ASTN2: variants seen among roughly 807,000 people sequenced by gnomAD.
ASTN2 encodes astrotactin 2, also known as astrotactin-2.
Under a neutral mutation model 139.8 loss-of-function variants are expected in ASTN2, and 54 were observed. The ratio of observed to expected loss-of-function variants is 0.39; its 90% CI spans 0.31 to 0.48. The LOEUF is 0.48. ASTN2 is among the 20% of genes least tolerant of loss of function. ASTN2 has a pLI of 0.95. For missense variants in ASTN2, 1,565 were observed against 1,725.1 expected (o/e 0.91, Z 1.64); for synonymous variants, 756 against 719.5 (o/e 1.05, Z -0.81).
intron 11 of ASTN2, among the ~76,000 whole-genome samples, chr9:116,828,637 G>T (rs1427088060): frequency 6.6e-6 from 1 of 152,010 alleles, no homozygotes; most frequent in Non-Finnish European, 1.5e-5. Flanking sequence ...TTTCCTCTAA[G>T]AACTAGAACA....
intron 16 of ASTN2, among the ~76,000 whole-genome samples, chr9:116,683,970 A>T (rs370505034): frequency 1.3e-5 from 2 of 152,202 alleles, no homozygotes; most frequent in South Asian, 4.2e-4. Flanking sequence ...CTAACCTCAG[A>T]CCTTGTCTAT....
At position 116,993,771 on chromosome 9, in the gene ASTN2, G is replaced by GTA. The variant is rs528700669; in HGVS notation, c.1591+14319_1591+14320dup. ...CATATACTCTATATATGTATATACA[G>GTA]TATATATATAGCACTTTATATATGT... On this transcript the variant is annotated intron_variant, in intron 7 of 22. Coordinates refer to ENST00000313400, the MANE Select transcript of ASTN2 (RefSeq NM_001365068.1). 4.9e-5 allele frequency among the ~76,000 whole-genome samples: 7 copies of GTA among 142,708 alleles called. No homozygotes were observed. The East Asian group carries it at 1.4e-3, about 29-fold the overall frequency. The allele number at this position is 142,708 out of a possible 152,430, so 93.6% of individuals were successfully genotyped here.
chr9:117,393,768 C>A (rs1327717397), intron 1 of ASTN2, among the ~76,000 whole-genome samples: 1 of 152,050 alleles, frequency 6.6e-6, no homozygotes, highest in Non-Finnish European at 1.5e-5. Context: ...GTGGAATGGG[C>A]AGGCTCTGGG....
chr9:116,918,783 T>C (rs189806552), intron 10 of ASTN2, among the ~76,000 whole-genome samples: 7 of 152,342 alleles, frequency 4.6e-5, no homozygotes, highest in Non-Finnish European at 7.3e-5. Flanking sequence ...CAGAGTTGTA[T>C]AGACATATGA....
At chr9:117,358,408 G>A (rs1288153106) in intron 1 of ASTN2, among the ~76,000 whole-genome samples, 3 of 131,134 alleles carry the variant, frequency 2.3e-5, no homozygotes, top group Non-Finnish European at 5.2e-5. Context: ...TCCCCTGAAT[G>A]AGTGTAACAT....
chr9:116,593,736 A>G (rs995405174), intron 19 of ASTN2, among the ~76,000 whole-genome samples: 4 of 152,198 alleles, frequency 2.6e-5, no homozygotes, highest in Admixed American at 2.0e-4. Context: ...CATGAATTCC[A>G]GTCTTGCTCA....
At chr9:117,187,633 G>T (rs975513980) in intron 3 of ASTN2, among the ~76,000 whole-genome samples, 2 of 152,126 alleles carry the variant, frequency 1.3e-5, no homozygotes, top group African/African-American at 4.8e-5. Context: ...TGTCTGTCAC[G>T]AGTCTCCCTG....
At chr9:117,222,442 G>A (rs1832556392) in intron 2 of ASTN2, among the ~76,000 whole-genome samples, 1 of 152,044 alleles carries the variant, frequency 6.6e-6, no homozygotes, top group South Asian at 2.1e-4. Context: ...ACTTGTCAGA[G>A]TACGTGGAGC....
chr9:117,063,234 T>C (rs1022800334), intron 5 of ASTN2, among the ~76,000 whole-genome samples: 21 of 152,222 alleles, frequency 1.4e-4, no homozygotes, highest in Admixed American at 4.6e-4. Context: ...GGTACATTTC[T>C]TCAGGGTAAA....
At chr9:116,776,105 C>T (rs1830082933) in intron 13 of ASTN2, among the ~76,000 whole-genome samples, 1 of 152,152 alleles carries the variant, frequency 6.6e-6, no homozygotes, top group Non-Finnish European at 1.5e-5. Flanking sequence ...TGCATCTATA[C>T]ATGTATAATA....
chr9:116,562,720 G>A (rs1331417746), intron 19 of ASTN2, among the ~76,000 whole-genome samples: 1 of 126,630 alleles, frequency 7.9e-6, no homozygotes, highest in East Asian at 2.4e-4. Flanking sequence ...GACAGTGCGA[G>A]TGACTGCCTC....
chr9:117,098,975 G>C (rs542570879), intron 4 of ASTN2, among the ~76,000 whole-genome samples: 87 of 151,986 alleles, frequency 5.7e-4, no homozygotes, highest in African/African-American at 2.0e-3. Flanking sequence ...GGGTGTGGCA[G>C]CATGTACGTG....
chr9:116,739,642 C>T (rs374106271), intron 13 of ASTN2, among the ~76,000 whole-genome samples: 1 of 152,194 alleles, frequency 6.6e-6, no homozygotes, highest in Non-Finnish European at 1.5e-5. Context: ...AGGGCTTTAT[C>T]GTTTCTAACG....
rs557444835 is a variant in ASTN2, at chr9:116,591,992, G to A, written c.3355+26332C>T. On this transcript the variant is annotated intron_variant, in intron 19 of 22. Coordinates refer to ENST00000313400, the MANE Select transcript of ASTN2 (RefSeq NM_001365068.1). ...TGGCCCTCAGTATCTATGGGGAATTGGTTCCAGGTACCCCCTTGGATATCA... is the reference window on the plus strand; with the variant it reads ...TGGCCCTCAGTATCTATGGGGAATTAGTTCCAGGTACCCCCTTGGATATCA... 7.2e-5 allele frequency among the ~76,000 whole-genome samples: 11 copies of A among 152,266 alleles called. 1 individual carries two copies. Among genetic ancestry groups the A allele is most frequent in the Non-Finnish European group, 1.5e-4 (10 of 68,018 alleles).
intron 13 of ASTN2, among the ~76,000 whole-genome samples, chr9:116,737,610 CGTGTGTGTGTGTGTGTGTGTGTGT>C (rs57891581): frequency 2.2e-5 from 3 of 137,250 alleles, no homozygotes; most frequent in Non-Finnish European, 3.1e-5. Context: ...CATGTGCCAA[CGTGTGTGTGTGTGTGTGTGTGTGT>C]GTGTGTGTGT....
chr9:116,636,163 T>G (rs1857064467), intron 17 of ASTN2, among the ~76,000 whole-genome samples: 1 of 152,180 alleles, frequency 6.6e-6, no homozygotes, highest in South Asian at 2.1e-4. Flanking sequence ...ATACTGATAC[T>G]TCTCCTTCTG....
chr9:117,302,926 C>A (rs976583429), intron 1 of ASTN2, among the ~76,000 whole-genome samples: 4 of 152,128 alleles, frequency 2.6e-5, no homozygotes, highest in African/African-American at 9.7e-5. Context: ...TCCACTAGCC[C>A]CAAGCAACAT....
intron 10 of ASTN2, among the ~76,000 whole-genome samples, chr9:116,881,858 T>C (rs560500359): frequency 6.6e-6 from 1 of 152,218 alleles, no homozygotes; most frequent in Non-Finnish European, 1.5e-5. Flanking sequence ...TAAATAGTAG[T>C]AATTTCATTT....
At chr9:116,437,213 T>A (rs1326282617) in intron 22 of ASTN2, 2 of 401,986 alleles carry the variant, frequency 5.0e-6, no homozygotes, top group Non-Finnish European at 1.0e-5. Context: ...TAATAAAAAA[T>A]ACCACTGTTC....
Sources: gnomAD v4.1 joint callset for allele counts (sites outside exome capture counted in the v4.1 genomes callset) on GRCh38, gnomAD v4.1.1 for gene constraint, MANE v1.5 for transcripts, NCBI Gene and HGNC (gene_info 2026-07-23, HGNC 2026-07-21) for gene names.